TENM3: variants seen among roughly 807,000 people sequenced by gnomAD.
The protein encoded by TENM3 is teneurin transmembrane protein 3, also known as teneurin-3.
In TENM3, 63 loss-of-function variants were observed where a neutral mutation model predicts 255.1. The ratio of observed to expected loss-of-function variants is 0.25; its 90% CI spans 0.20 to 0.30. The LOEUF is 0.30. Ranked by LOEUF, TENM3 falls within the 10% of genes least tolerant of loss-of-function variation. TENM3 has a pLI of 1.00. For synonymous variants in TENM3, 1,306 were observed against 1,322.3 expected, an observed-to-expected ratio of 0.99 and a Z score of 0.27; for missense variants, 2,929 against 3,461.1, an observed-to-expected ratio of 0.85 and a Z score of 3.86.
In TENM3 at chr4:182,764,011, C is replaced by A. The variant is rs868049358; in HGVS notation, c.4892+8752C>A. ...TGTACCCCATTCTCCTTAACACAAA[C>A]AATTAACCACAAGCATAGGTAATCC... On this transcript the variant is annotated intron_variant, in intron 22 of 27. Coordinates refer to ENST00000511685, the MANE Select transcript of TENM3 (RefSeq NM_001080477.4). Among the ~76,000 whole-genome samples the A allele has an allele frequency of 2.6e-5, 4 of 152,296 alleles. No homozygotes were observed. In the Middle Eastern group the frequency reaches 0.01, roughly 389 times the overall value.
chr4:182,326,539 T>C (rs1345343515), intron 2 of TENM3, among the ~76,000 whole-genome samples: 1 of 152,128 alleles, frequency 6.6e-6, no homozygotes, highest in African/African-American at 2.4e-5. Context: ...ATCATTATTA[T>C]TAATTAATTA....
chr4:181,695,420 A>G, the TENM3 span, among the ~76,000 whole-genome samples: 4 of 152,256 alleles, frequency 2.6e-5, no homozygotes, highest in African/African-American at 9.6e-5. Flanking sequence ...GCTTTTGAAT[A>G]TGTTTTCATT....
intron 16 of TENM3, among the ~76,000 whole-genome samples, chr4:182,735,385 G>A (rs754175111): frequency 1.5e-4 from 23 of 152,164 alleles, no homozygotes; most frequent in Non-Finnish European, 2.4e-4. Flanking sequence ...TTCCAACTGT[G>A]TGATTGTTTA....
chr4:182,597,826 G>T (rs1747414978), intron 3 of TENM3, among the ~76,000 whole-genome samples: 1 of 152,158 alleles, frequency 6.6e-6, no homozygotes, highest in Non-Finnish European at 1.5e-5. Context: ...TGTAGAGCTA[G>T]CATTGACCCT....
chr4:182,301,252 G>A (rs1462824341), intron 1 of TENM3, among the ~76,000 whole-genome samples: 2 of 151,982 alleles, frequency 1.3e-5, no homozygotes, highest in South Asian at 2.1e-4. Flanking sequence ...ACCCCTCTAC[G>A]TGCCCCTGAA....
the TENM3 span, among the ~76,000 whole-genome samples, chr4:181,765,514 A>G: frequency 6.6e-6 from 1 of 152,238 alleles, no homozygotes; most frequent in Non-Finnish European, 1.5e-5. Flanking sequence ...ACAACACAAT[A>G]TGTTGTTACA....
At chr4:182,269,504 C>T (rs1394477003) in intron 1 of TENM3, among the ~76,000 whole-genome samples, 1 of 152,050 alleles carries the variant, frequency 6.6e-6, no homozygotes, top group Non-Finnish European at 1.5e-5. Context: ...GAAGATGTCA[C>T]CCAAGCCAAC....
At chr4:182,585,063 G>T (rs575315067) in intron 3 of TENM3, among the ~76,000 whole-genome samples, 1 of 152,086 alleles carries the variant, frequency 6.6e-6, no homozygotes, top group South Asian at 2.1e-4. Context: ...AAAGAAATAC[G>T]GCAAAAACAT....
intron 2 of TENM3, among the ~76,000 whole-genome samples, chr4:182,333,085 AG>A (rs1206740471): frequency 2.0e-5 from 3 of 152,326 alleles, no homozygotes; most frequent in Non-Finnish European, 1.5e-5. Flanking sequence ...ACCATTTCCA[AG>A]GGCCAGATAT....
the TENM3 span, among the ~76,000 whole-genome samples, chr4:182,064,997 T>C: frequency 6.6e-6 from 1 of 152,018 alleles, no homozygotes; most frequent in East Asian, 1.9e-4. Flanking sequence ...CATTCTCACA[T>C]TGCTATAAAG....
At chr4:182,187,393 G>T (rs1184695508) in intron 1 of TENM3, among the ~76,000 whole-genome samples, 4 of 152,182 alleles carry the variant, frequency 2.6e-5, no homozygotes, top group Admixed American at 6.5e-5. Flanking sequence ...AGCTTTAAAA[G>T]ATTATGTTCC....
At chr4:181,474,262 T>C in the TENM3 span, among the ~76,000 whole-genome samples, 1 of 151,972 alleles carries the variant, frequency 6.6e-6, no homozygotes, top group South Asian at 2.1e-4. Context: ...TGTGTATACC[T>C]ATGTAACAAA....
In TENM3 at chr4:182,796,776, C is replaced by A; in HGVS notation, c.7344+9C>A. 6.3e-7 allele frequency: 1 copy of A among 1,596,060 alleles called. No homozygotes were observed. Among genetic ancestry groups the A allele is most frequent in the Non-Finnish European group, 8.5e-7 (1 of 1,170,702 alleles). On this transcript the variant is annotated intron_variant, in intron 27 of 27. Coordinates refer to ENST00000511685, the MANE Select transcript of TENM3 (RefSeq NM_001080477.4). Reference sequence around the variant, plus strand: ...AGTGGGATGATATACCGGTAAGAAACAAAAAGACCTACGGAAAGGTGATAA... The same window carrying A: ...AGTGGGATGATATACCGGTAAGAAAAAAAAAGACCTACGGAAAGGTGATAA...
the TENM3 span, among the ~76,000 whole-genome samples, chr4:181,496,182 A>T: frequency 6.6e-6 from 1 of 152,138 alleles, no homozygotes; most frequent in Non-Finnish European, 1.5e-5. Context: ...CAAGGAAAAA[A>T]TAACAGAGTA....
the TENM3 span, among the ~76,000 whole-genome samples, chr4:181,739,238 GA>G: frequency 6.6e-6 from 1 of 152,156 alleles, no homozygotes; most frequent in African/African-American, 2.4e-5. Flanking sequence ...TGTTGGCAAT[GA>G]AACAACATAG....
chr4:182,277,613 A>G (rs1257849405), intron 1 of TENM3, among the ~76,000 whole-genome samples: 2 of 152,186 alleles, frequency 1.3e-5, no homozygotes, highest in African/African-American at 4.8e-5. Context: ...TTGTTAGGCT[A>G]GACATCTCCT....
chr4:182,397,414 A>G (rs1478823962), intron 3 of TENM3, among the ~76,000 whole-genome samples: 2 of 149,420 alleles, frequency 1.3e-5, no homozygotes, highest in Non-Finnish European at 3.0e-5. Flanking sequence ...AAAAAAAAAA[A>G]AAAAAAAAAA....
the TENM3 span, among the ~76,000 whole-genome samples, chr4:182,116,111 C>T: frequency 2.0e-5 from 3 of 152,102 alleles, no homozygotes; most frequent in South Asian, 6.2e-4. Context: ...TCAGTTTGGA[C>T]AAATATATGA....
At chr4:182,452,270 A>G (rs1205099686) in intron 3 of TENM3, among the ~76,000 whole-genome samples, 1 of 151,874 alleles carries the variant, frequency 6.6e-6, no homozygotes, top group African/African-American at 2.4e-5. Context: ...GGTTTGGTGA[A>G]GAAAGTAAAT....
Sources: allele counts gnomAD v4.1 joint callset (sites outside exome capture counted in the v4.1 genomes callset), GRCh38; gene constraint gnomAD v4.1.1; transcripts MANE v1.5; gene names NCBI Gene and HGNC (gene_info 2026-07-23, HGNC 2026-07-21).